SHROOM2: variants seen among roughly 807,000 people sequenced by gnomAD.
The protein encoded by SHROOM2 is protein Shroom2.
Under a neutral mutation model 75.9 loss-of-function variants are expected in SHROOM2, and 33 were observed. The observed-to-expected ratio is 0.43, with a 90% CI of 0.33 to 0.58. The LOEUF (loss-of-function observed/expected upper bound fraction) is 0.58. Among genes scored for constraint, SHROOM2 ranks in the 20% least tolerant of loss-of-function variants. The pLI is 0.04. For synonymous variants in SHROOM2, 655 were observed against 663.6 expected, an observed-to-expected ratio of 0.99 and a Z score of 0.20; for missense variants, 1,434 against 1,461.2, an observed-to-expected ratio of 0.98 and a Z score of 0.30.
intron 1 of SHROOM2, among the ~76,000 whole-genome samples, chrX:9,815,604 A>ATATCTATATC (rs1315176951): frequency 9.2e-6 from 1 of 108,188 alleles, no homozygotes; most frequent in Non-Finnish European, 1.9e-5. Flanking sequence ...ATCTATATCT[A>ATATCTATATC]TAAAGGGGAG....
intron 1 of SHROOM2, among the ~76,000 whole-genome samples, chrX:9,798,767 C>T (rs762235318): frequency 1.8e-5 from 2 of 112,170 alleles, no homozygotes; most frequent in Non-Finnish European, 3.8e-5. Context: ...TTATATTGGT[C>T]AAATATGTCA....
At chrX:9,922,135 C>T (rs2084551125) in intron 5 of SHROOM2, among the ~76,000 whole-genome samples, 1 of 111,660 alleles carries the variant, frequency 9.0e-6, no homozygotes, top group Non-Finnish European at 1.9e-5. Flanking sequence ...CTCAGTGCAT[C>T]GTTGAATTCC....
intron 1 of SHROOM2, among the ~76,000 whole-genome samples, chrX:9,817,628 G>A (rs913378950): frequency 3.6e-5 from 4 of 112,139 alleles, no homozygotes; most frequent in Non-Finnish European, 7.5e-5. Context: ...GGACACTCAG[G>A]TCATATTTAC....
chrX:9,931,960 G>T (rs372436860), intron 5 of SHROOM2, among the ~76,000 whole-genome samples: 3 of 110,332 alleles, frequency 2.7e-5, no homozygotes, highest in Admixed American at 9.7e-5. Context: ...ATGTTCCCTT[G>T]TGGGACATGC....
chrX:9,804,342 G>A (rs769639052), intron 1 of SHROOM2, among the ~76,000 whole-genome samples: 2 of 112,139 alleles, frequency 1.8e-5, no homozygotes, highest in South Asian at 7.4e-4. Context: ...TGGATGCAAC[G>A]GTCTACAAGC....
chrX:9,894,439 C>T lies in SHROOM2; in HGVS notation c.531C>T (p.Ser177=), dbSNP rs746317135. 43 of 1,210,658 alleles carry T rather than the reference C, an allele frequency of 3.6e-5. No individual in the cohort carries two copies. Among genetic ancestry groups the T allele is most frequent in the Admixed American group, 1.1e-4 (5 of 45,952 alleles). The change falls in exon 4 of 10, where the codon AGC becomes AGT. Residue 177 remains serine (S), a synonymous_variant. Coordinates refer to ENST00000380913, the MANE Select transcript of SHROOM2 (RefSeq NM_001649.4). ...RTLDHFSSLG[S]VDSLDHPSSR... ...TAGATCACTTCAGCTCCTTGGGGAG[C>T]GTTGACAGCCTGGACCACCCCTCCA...
intron 1 of SHROOM2, among the ~76,000 whole-genome samples, chrX:9,791,994 TAGAA>T: frequency 3.9e-3 from 1 of 256 alleles, no homozygotes; most frequent in African/African-American, 5.6e-3. Flanking sequence ...TAGAATAGAA[TAGAA>T]TAGAATAGAA....
chrX:9,873,097 A>G (rs1178209867), intron 1 of SHROOM2, among the ~76,000 whole-genome samples: 1 of 112,029 alleles, frequency 8.9e-6, no homozygotes, highest in Admixed American at 9.4e-5. Flanking sequence ...TGGACACAGA[A>G]AGTACATTTG....
At chrX:9,927,061 T>A (rs920358574) in intron 5 of SHROOM2, among the ~76,000 whole-genome samples, 2 of 110,782 alleles carry the variant, frequency 1.8e-5, no homozygotes, top group African/African-American at 6.6e-5. Flanking sequence ...CCAAAAGTAG[T>A]TATGATGCCT....
At position 9,937,141 on chromosome X, in the gene SHROOM2, C is replaced by T. The variant is rs201326634; in HGVS notation, c.3595C>T (p.Arg1199Trp). ...IQDEDSTRIE[R>W]VMDNNTTVKM... ...AGACTGTTCATCTTCCAGAATTGAGCGGGTGATGGACAACAACACCACGGT... is the reference window on the plus strand; with the variant it reads ...AGACTGTTCATCTTCCAGAATTGAGTGGGTGATGGACAACAACACCACGGT... The change falls in exon 7 of 10, where the codon CGG becomes TGG. Residue 1199 changes from arginine to tryptophan, a missense_variant. Around this residue, in one of 3 missense-constraint regions of SHROOM2, gnomAD observed 1,340 missense variants for 1,338.3 expected, o/e 1.00. Coordinates refer to ENST00000380913, the MANE Select transcript of SHROOM2 (RefSeq NM_001649.4). 29 of 1,187,812 alleles carry T rather than the reference C, an allele frequency of 2.4e-5. No homozygotes were observed. In the East Asian group the frequency reaches 4.9e-4, roughly 20 times the overall value.
intron 1 of SHROOM2, among the ~76,000 whole-genome samples, chrX:9,790,892 G>A (rs755309688): frequency 2.8e-4 from 31 of 110,865 alleles, no homozygotes; most frequent in Non-Finnish European, 4.5e-4. Context: ...AGAGTGTGGA[G>A]TCAGGCAGTG....
intron 1 of SHROOM2, among the ~76,000 whole-genome samples, chrX:9,823,823 A>T (rs1289982294): frequency 1.9e-5 from 2 of 102,761 alleles, no homozygotes; most frequent in African/African-American, 3.6e-5. Flanking sequence ...CAGTGGCGCA[A>T]TCACAGCTCA....
chrX:9,928,045 G>A (rs1274662020), intron 5 of SHROOM2, among the ~76,000 whole-genome samples: 1 of 112,138 alleles, frequency 8.9e-6, no homozygotes, highest in Non-Finnish European at 1.9e-5. Context: ...TAGCATGCTG[G>A]GTGACTGAGT....
intron 5 of SHROOM2, chrX:9,913,367 C>T (rs1406705046): frequency 8.9e-6 from 1 of 112,481 alleles, no homozygotes; most frequent in African/African-American, 3.2e-5. Flanking sequence ...ATGGAATCAC[C>T]ATGGTTCTTA....
In SHROOM2 at chrX:9,898,044, G is replaced by C. The variant is rs1360833919; in HGVS notation, c.2791-146G>C. The C allele has an allele frequency of 2.5e-5, 13 of 510,539 alleles. No individual in the cohort carries two copies. In the Admixed American group the frequency reaches 3.0e-4, roughly 12 times the overall value. 42.1% of individuals were successfully genotyped at this position (510,539 alleles called of 1,213,427 possible). A position where few individuals can be genotyped will look rare whatever the true frequency, so the allele number is the denominator to read the frequency against. On this transcript the variant is annotated intron_variant, in intron 4 of 9. Coordinates refer to ENST00000380913, the MANE Select transcript of SHROOM2 (RefSeq NM_001649.4). ...TTTCCTGCCCAGAACAGAAGTGGAC[G>C]TGGGGTCTTATTTCAGTCATCTCAA...
At chrX:9,839,051 G>C (rs1194492030) in intron 1 of SHROOM2, among the ~76,000 whole-genome samples, 1 of 111,238 alleles carries the variant, frequency 9.0e-6, no homozygotes, top group Non-Finnish European at 1.9e-5. Context: ...AAGAGAGCTG[G>C]GGGTATGAAA....
chrX:9,816,994 C>T lies in SHROOM2; in HGVS notation c.165+30284C>T, dbSNP rs1244328979. Among the ~76,000 whole-genome samples, 3 of 110,559 alleles carry T rather than the reference C, an allele frequency of 2.7e-5. No homozygotes were observed. In the East Asian group the frequency reaches 8.5e-4, roughly 31 times the overall value. ...TTTTCTTTTTCTTTTTTTTAAGAGA[C>T]GTTGTCCTGCTCTGTTGCCCAAGCT... On this transcript the variant is annotated intron_variant, in intron 1 of 9. Coordinates refer to ENST00000380913, the MANE Select transcript of SHROOM2 (RefSeq NM_001649.4).
chrX:9,931,481 T>C (rs776499599), intron 5 of SHROOM2, among the ~76,000 whole-genome samples: 5 of 111,057 alleles, frequency 4.5e-5, no homozygotes, highest in African/African-American at 9.8e-5. Flanking sequence ...ACCCCATCTC[T>C]ACTAAAATTT....
chrX:9,804,074 G>A (rs940642083), intron 1 of SHROOM2, among the ~76,000 whole-genome samples: 4 of 111,829 alleles, frequency 3.6e-5, no homozygotes, highest in Non-Finnish European at 7.5e-5. Context: ...TCGTGCCCGG[G>A]TTGGGAGGAT....
Sources: allele counts gnomAD v4.1 joint callset (sites outside exome capture counted in the v4.1 genomes callset), GRCh38; gene constraint gnomAD v4.1.1; regional missense constraint gnomAD v4.1.1; transcripts MANE v1.5; gene names NCBI Gene and HGNC (gene_info 2026-07-23, HGNC 2026-07-21).